Variants in DPYS observed in about 807,000 individuals in gnomAD.
DPYS encodes dihydropyrimidine amidohydrolase.
A neutral mutation model predicts 50.3 loss-of-function variants in DPYS; 39 were observed. That is an observed-to-expected ratio of 0.78 (90% CI 0.60 to 1.01). The LOEUF (loss-of-function observed/expected upper bound fraction) is 1.01. Among genes scored for constraint, DPYS ranks in the 50% least tolerant of loss-of-function variants. The pLI, the probability that DPYS is intolerant of heterozygous loss-of-function variation, is 0.00. For synonymous variants in DPYS, 245 were observed against 250.7 expected (o/e 0.98, Z 0.22); for missense variants, 659 against 680.9 (o/e 0.97, Z 0.36).
At position 104,392,884 on chromosome 8, in the gene DPYS, T is replaced by C. The variant is rs1425013165; in HGVS notation, c.1343A>G (p.Tyr448Cys). ...CGTGACACTGAACACTCCGGCTTCA[T>C]ATACCACTTTGCCTCTTGAAATAGT... ...LVTISRGKVV[Y>C]EAGVFSVTAG... The change falls in exon 8 of 10, where the codon TAT (tyrosine) becomes TGT (cysteine). Residue 448 changes from tyrosine (Y) to cysteine (C), a missense_variant. Tyr to Cys is a radical substitution (Grantham distance 194, BLOSUM62 -2). Coordinates refer to ENST00000351513, the MANE Select transcript of DPYS (RefSeq NM_001385.3). The C allele has an allele frequency of 1.9e-6, 3 of 1,614,114 alleles. No homozygotes were observed. Among genetic ancestry groups the C allele is most frequent in the African/African-American group, 2.7e-5 (2 of 74,946 alleles).
chr8:104,451,145 C>T (rs890063292), intron 2 of DPYS, 101 bp downstream of exon 2: 2 of 1,477,918 alleles, frequency 1.4e-6, no homozygotes, highest in South Asian at 1.1e-5. Flanking sequence ...CAGTTCTGTC[C>T]TCCTGTTGTC....
In DPYS at chr8:104,379,790, G is replaced by T; in HGVS notation, c.*68C>A. On this transcript the variant is annotated 3_prime_UTR_variant, in exon 10 of 10. Transcript: ENST00000351513. ...AATAAGGCCTGCTTCTCCATGGGTT[G>T]ACAATGTTTGGCTGTGAAGGGAATG... The T allele has an allele frequency of 2.2e-6, 1 of 456,568 alleles. No individual in the cohort carries two copies. The highest frequency in any genetic ancestry group is 4.4e-6 in the Non-Finnish European group (1 of 226,936). 28.3% of individuals were successfully genotyped at this position (456,568 alleles called of 1,614,324 possible).
At chr8:104,387,672 G>A (rs1811254456) in intron 8 of DPYS, among the ~76,000 whole-genome samples, 1 of 152,168 alleles carries the variant, frequency 6.6e-6, no homozygotes, top group African/African-American at 2.4e-5. Flanking sequence ...ATATGAAATA[G>A]GAATATCACT....
chr8:104,395,189 G>A (rs1032698103), intron 7 of DPYS, among the ~76,000 whole-genome samples: 17 of 152,004 alleles, frequency 1.1e-4, no homozygotes, highest in Non-Finnish European at 2.4e-4. Flanking sequence ...GGTAGAGACA[G>A]GGTTTAGCCA....
chr8:104,412,434 G>A (rs1032051828), intron 7 of DPYS, among the ~76,000 whole-genome samples: 7 of 152,168 alleles, frequency 4.6e-5, no homozygotes, highest in Admixed American at 1.3e-4. Context: ...GTCTATGTGC[G>A]TGTGTCTTGG....
intron 5 of DPYS, 25 bp from the exon 6 acceptor site, chr8:104,428,146 G>C: frequency 6.2e-7 from 1 of 1,614,056 alleles, no homozygotes; most frequent in East Asian, 2.2e-5. Flanking sequence ...ACACGAGAGT[G>C]ATGGGGTGAG....
Position 104,403,012 on chromosome 8 carries a change from C to T in DPYS, c.1236-10021G>A, listed in dbSNP as rs538848855. Among the ~76,000 whole-genome samples the T allele has an allele frequency of 1.9e-3, 289 of 152,272 alleles. 2 individuals are homozygous for T. The highest frequency in any genetic ancestry group is 2.8e-3 in the Non-Finnish European group (188 of 68,006). ...GGGATATAAACCCAAGCATTCAAGC[C>T]GGCAATGGCTACCCTCTTTGGTTCC... On this transcript the variant is annotated intron_variant, in intron 7 of 9. Transcript: ENST00000351513.
chr8:104,382,563 C>G (rs1002116033), intron 8 of DPYS, among the ~76,000 whole-genome samples: 8 of 147,210 alleles, frequency 5.4e-5, no homozygotes, highest in Admixed American at 5.3e-4. Context: ...TTTTCTTCTC[C>G]TGACTTGACT....
intron 7 of DPYS, among the ~76,000 whole-genome samples, chr8:104,411,402 C>T (rs1473983261): frequency 6.6e-6 from 1 of 152,176 alleles, no homozygotes. Flanking sequence ...AGAAACTTAG[C>T]TCTCTTAAAT....
chr8:104,392,180 C>G (rs1443294245), intron 8 of DPYS, among the ~76,000 whole-genome samples: 2 of 152,112 alleles, frequency 1.3e-5, no homozygotes, highest in Non-Finnish European at 2.9e-5. Context: ...TGCTGCTGAC[C>G]TCTGAACTTC....
chr8:104,466,833 C>G lies in DPYS; in HGVS notation c.88G>C (p.Gly30Arg). ...SEVADVLVED[G>R]VVRALGHDLL... is the part of the protein sequence containing the mutation. ...TCGTGCCCGAGTGCCCGCACCACGC[C>G]GTCCTCCACCAGCACGTCGGCCACC... is the stretch of plus-strand genomic sequence containing the variant. The change falls in exon 1 of 10, where the codon GGC (glycine) becomes CGC (arginine). Residue 30 changes from glycine (G) to arginine (R), a missense_variant. Coordinates refer to ENST00000351513, the MANE Select transcript of DPYS (RefSeq NM_001385.3). 1.3e-6 allele frequency: 2 copies of G among 1,533,096 alleles called. No individual in the cohort carries two copies. Among genetic ancestry groups the G allele is most frequent in the Non-Finnish European group, 1.7e-6 (2 of 1,145,240 alleles). The allele number at this position is 1,533,096 out of a possible 1,614,324, so 95.0% of individuals were successfully genotyped here.
intron 7 of DPYS, among the ~76,000 whole-genome samples, chr8:104,402,145 A>G (rs927938759): frequency 7.2e-5 from 11 of 152,222 alleles, no homozygotes; most frequent in African/African-American, 2.7e-4. Flanking sequence ...AATTGGATTT[A>G]GACATGAGCA....
intron 7 of DPYS, chr8:104,419,745 A>G (rs1487340110): frequency 1.3e-5 from 2 of 152,238 alleles, no homozygotes; most frequent in Non-Finnish European, 2.9e-5. Context: ...TGTCATGGTC[A>G]TCAAAAACAG....
chr8:104,457,666 G>A (rs989291135), intron 1 of DPYS, among the ~76,000 whole-genome samples: 1 of 152,160 alleles, frequency 6.6e-6, no homozygotes, highest in Non-Finnish European at 1.5e-5. Flanking sequence ...AGAAAAGTTC[G>A]TGGCTGAATT....
chr8:104,435,893 G>T (rs764274846), intron 4 of DPYS, among the ~76,000 whole-genome samples: 18 of 152,090 alleles, frequency 1.2e-4, no homozygotes, highest in Non-Finnish European at 2.4e-4. Flanking sequence ...AAGCAGATGG[G>T]ATGGCAATAA....
At chr8:104,434,931 C>A (rs975114652) in intron 4 of DPYS, among the ~76,000 whole-genome samples, 1 of 152,178 alleles carries the variant, frequency 6.6e-6, no homozygotes, top group African/African-American at 2.4e-5. Flanking sequence ...AGTGCATTGA[C>A]AATTTCAGTC....
intron 7 of DPYS, among the ~76,000 whole-genome samples, chr8:104,399,290 C>CAAAA (rs11323938): frequency 3.5e-4 from 26 of 74,880 alleles, no homozygotes; most frequent in Admixed American, 9.4e-4. Context: ...GACTCCATCT[C>CAAAA]AAAAAAAAAA....
chr8:104,444,800 A>G (rs755059710), intron 3 of DPYS, among the ~76,000 whole-genome samples: 1 of 152,218 alleles, frequency 6.6e-6, no homozygotes. Flanking sequence ...ATAGCAGAGG[A>G]AACAATCAAC....
chr8:104,419,576 GT>G (rs1360238679), intron 7 of DPYS: 4 of 152,196 alleles, frequency 2.6e-5, no homozygotes, highest in Non-Finnish European at 5.9e-5. Flanking sequence ...ACCAGTAGTG[GT>G]AAGTCGTGCT....
Sources: gnomAD v4.1 joint callset for allele counts (sites outside exome capture counted in the v4.1 genomes callset) on GRCh38, gnomAD v4.1.1 for gene constraint, MANE v1.5 for transcripts, NCBI Gene and HGNC (gene_info 2026-07-23, HGNC 2026-07-21) for gene names.